SLCO1A2: variants seen among roughly 807,000 people sequenced by gnomAD.
SLCO1A2 encodes solute carrier organic anion transporter family member 1A2.
SLCO1A2 carries 67 observed loss-of-function variants against 69.0 expected under a neutral mutation model. That is an observed-to-expected ratio of 0.97 (90% CI 0.80 to 1.19). The LOEUF is 1.19. Ranked by LOEUF, SLCO1A2 falls within the 50% of genes most tolerant of loss-of-function variation. SLCO1A2 has a pLI of 0.00. For synonymous variants in SLCO1A2, 260 were observed against 265.9 expected (o/e 0.98, Z 0.22); for missense variants, 787 against 793.7 (o/e 0.99, Z 0.10).
intron 2 of SLCO1A2, among the ~76,000 whole-genome samples, chr12:21,360,358 A>G (rs1268476287): frequency 1.3e-5 from 2 of 152,246 alleles, no homozygotes. Context: ...CAATATAAAA[A>G]TAAATAAATG....
At chr12:21,277,287 C>T (rs1439876126) in intron 12 of SLCO1A2, among the ~76,000 whole-genome samples, 2 of 144,560 alleles carry the variant, frequency 1.4e-5, no homozygotes, top group Admixed American at 1.4e-4. Context: ...TCTAGACATA[C>T]CCTGGATCAG....
chr12:21,331,453 T>C (rs1952611487), intron 2 of SLCO1A2, among the ~76,000 whole-genome samples: 1 of 152,200 alleles, frequency 6.6e-6, no homozygotes, highest in African/African-American at 2.4e-5. Flanking sequence ...TTTGGAATTC[T>C]CATTTGAATT....
chr12:21,329,991 GGCATCTTTGGT>G (rs1420873507), intron 2 of SLCO1A2, among the ~76,000 whole-genome samples: 1 of 151,862 alleles, frequency 6.6e-6, no homozygotes, highest in Non-Finnish European at 1.5e-5. Flanking sequence ...TGAATTAAAA[GGCATCTTTGGT>G]AGCTTCCTTC....
At chr12:21,346,187 C>T (rs1449627584) in intron 2 of SLCO1A2, among the ~76,000 whole-genome samples, 3 of 151,928 alleles carry the variant, frequency 2.0e-5, no homozygotes, top group Non-Finnish European at 2.9e-5. Context: ...TAGTAAATAA[C>T]GTATGTTTAA....
intron 5 of SLCO1A2, among the ~76,000 whole-genome samples, chr12:21,305,154 C>T (rs1430647406): frequency 6.6e-6 from 1 of 152,122 alleles, no homozygotes; most frequent in Non-Finnish European, 1.5e-5. Flanking sequence ...ATACTGTAAC[C>T]ACCAAATAAC....
chr12:21,328,445 A>C (rs1952400099), intron 2 of SLCO1A2, among the ~76,000 whole-genome samples: 1 of 152,040 alleles, frequency 6.6e-6, no homozygotes, highest in Non-Finnish European at 1.5e-5. Context: ...CCCCTCTTCC[A>C]GGCTGGACAG....
At chr12:21,391,627 A>G (rs1255107533) in intron 1 of SLCO1A2, among the ~76,000 whole-genome samples, 1 of 152,132 alleles carries the variant, frequency 6.6e-6, no homozygotes, top group African/African-American at 2.4e-5. Context: ...TCAGAAAAGA[A>G]GCTAGTTCTT....
intron 2 of SLCO1A2, among the ~76,000 whole-genome samples, chr12:21,362,975 A>T (rs1720954729): frequency 6.6e-6 from 1 of 152,216 alleles, no homozygotes; most frequent in South Asian, 2.1e-4. Flanking sequence ...TGTGAACATT[A>T]GACAGATCAA....
rs550177573 is a variant in SLCO1A2 at position 21,361,886 on chromosome 12, G to A, written c.-63+12513C>T. Among the ~76,000 whole-genome samples the A allele has an allele frequency of 5.9e-5, 9 of 152,226 alleles. No individual in the cohort carries two copies. The South Asian group carries it at 8.3e-4, about 14-fold the overall frequency. On this transcript the variant is annotated intron_variant, in intron 2 of 15. Transcript: ENST00000307378. Reference sequence around the variant, plus strand: ...AATGAACAAAGCCTCCAAGAAATATGGGACTATGTGAAAAGACCAAATCTA... The same window carrying A: ...AATGAACAAAGCCTCCAAGAAATATAGGACTATGTGAAAAGACCAAATCTA...
chr12:21,329,172 C>A (rs943322542), intron 2 of SLCO1A2, among the ~76,000 whole-genome samples: 7 of 152,182 alleles, frequency 4.6e-5, no homozygotes, highest in East Asian at 1.9e-4. Flanking sequence ...ATAAAGGATT[C>A]TTTCCTTAAA....
intron 3 of SLCO1A2, 112 bp downstream of exon 3, chr12:21,318,670 T>C: frequency 2.4e-6 from 2 of 846,940 alleles, no homozygotes; most frequent in South Asian, 2.2e-5. Flanking sequence ...AGAAAACTTA[T>C]AACTCGGTCA....
At chr12:21,371,780 A>G (rs1011115994) in intron 2 of SLCO1A2, among the ~76,000 whole-genome samples, 5 of 152,186 alleles carry the variant, frequency 3.3e-5, no homozygotes, top group African/African-American at 1.2e-4. Flanking sequence ...AAGTGGGCGG[A>G]TCACCTGAGG....
At chr12:21,360,956 G>A (rs1337429574) in intron 2 of SLCO1A2, among the ~76,000 whole-genome samples, 1 of 152,172 alleles carries the variant, frequency 6.6e-6, no homozygotes, top group Non-Finnish European at 1.5e-5. Flanking sequence ...TCCACCTCTA[G>A]GGGCAGGGCA....
chr12:21,413,988 T>A (rs187479131), intron 1 of SLCO1A2, among the ~76,000 whole-genome samples: 9 of 152,302 alleles, frequency 5.9e-5, no homozygotes, highest in Admixed American at 5.9e-4. Context: ...TTTGTTTCCC[T>A]CTGACCTTCT....
At chr12:21,292,429 C>G in intron 11 of SLCO1A2, 93 bp from the exon 12 acceptor site, 2 of 917,914 alleles carry the variant, frequency 2.2e-6, no homozygotes, top group South Asian at 3.6e-5. Context: ...AAGATGGAGA[C>G]TGCTTGTTCC....
intron 1 of SLCO1A2, among the ~76,000 whole-genome samples, chr12:21,382,273 A>C (rs2137126538): frequency 6.6e-6 from 1 of 152,298 alleles, no homozygotes; most frequent in African/African-American, 2.4e-5. Context: ...GGGGGAGCTA[A>C]GCTATCAGTT....
upstream of SLCO1A2, among the ~76,000 whole-genome samples, chr12:21,338,372 G>A (rs868771646): frequency 1.8e-4 from 27 of 151,572 alleles, no homozygotes; most frequent in South Asian, 4.2e-4. Flanking sequence ...TACATCCCCC[G>A]GAACCCCCCA....
Position 21,295,748 on chromosome 12 carries a change from C to A in SLCO1A2, c.1120G>T (p.Gly374Cys). 1.2e-6 allele frequency: 2 copies of A among 1,600,676 alleles called. No individual in the cohort carries two copies. The highest frequency in any genetic ancestry group is 1.1e-5 in the South Asian group (1 of 90,718). ...ATCTTGAACTTCTTCATAATTAAAC[C>A]ACCAATTATATATCCAATACATATT... is the stretch of plus-strand genomic sequence containing the variant. ...PPICIGYIIG[G>C]LIMKKFKITV... The change falls in exon 10 of 15, where the codon GGT becomes TGT. Residue 374 changes from glycine to cysteine, a missense_variant. Gly to Cys is a radical substitution (Grantham distance 159, BLOSUM62 -3). Coordinates refer to ENST00000683939, the MANE Select transcript of SLCO1A2 (RefSeq NM_001386879.1).
rs529196609 is a variant in SLCO1A2, at chr12:21,341,055, T to C, written c.-62-6346A>G. On this transcript the variant is annotated intron_variant, in intron 2 of 15. Coordinates refer to the SLCO1A2 transcript ENST00000307378. Reference sequence around the variant, plus strand: ...CTCCTAAAATCTTATGACATAAGTATTATTCCCAACTTTAAAGATGTAAAA... The same window carrying C: ...CTCCTAAAATCTTATGACATAAGTACTATTCCCAACTTTAAAGATGTAAAA... Among the ~76,000 whole-genome samples the C allele has an allele frequency of 9.2e-5, 14 of 152,140 alleles. No individual in the cohort carries two copies. The South Asian group carries it at 2.9e-3, about 32-fold the overall frequency.
Sources: gnomAD v4.1 joint callset for allele counts (sites outside exome capture counted in the v4.1 genomes callset) on GRCh38, gnomAD v4.1.1 for gene constraint, MANE v1.5 for transcripts, NCBI Gene and HGNC (gene_info 2026-07-23, HGNC 2026-07-21) for gene names.